The following KIZ variants were observed in gnomAD, a reference collection of about 807,000 sequenced individuals.
KIZ encodes centrosomal protein kizuna.
Under a neutral mutation model 79.6 loss-of-function variants are expected in KIZ, and 68 were observed. The ratio of observed to expected loss-of-function variants is 0.85; its 90% CI spans 0.70 to 1.05. KIZ has a LOEUF of 1.05. KIZ is among the 50% of genes least tolerant of loss of function. The pLI, the probability that KIZ is intolerant of heterozygous loss-of-function variation, is 0.00. For missense variants in KIZ, 797 were observed against 800.4 expected, an observed-to-expected ratio of 1.00 and a Z score of 0.05; for synonymous variants, 280 against 281.8, an observed-to-expected ratio of 0.99 and a Z score of 0.06.
chr20:21,179,401 A>T (rs2034561474), intron 6 of KIZ, among the ~76,000 whole-genome samples: 2 of 151,032 alleles, frequency 1.3e-5, no homozygotes, highest in Non-Finnish European at 1.5e-5. Flanking sequence ...ATCTTTTTTA[A>T]TCTCTGTGAT....
At chr20:21,189,820 C>T (rs2035037313) in intron 6 of KIZ, among the ~76,000 whole-genome samples, 1 of 152,180 alleles carries the variant, frequency 6.6e-6, no homozygotes, top group Non-Finnish European at 1.5e-5. Context: ...GGTCCACAGC[C>T]TGCCGTGGTC....
At chr20:21,155,136 G>A (rs535542021) in intron 4 of KIZ, among the ~76,000 whole-genome samples, 9 of 152,264 alleles carry the variant, frequency 5.9e-5, no homozygotes, top group Admixed American at 2.0e-4. Flanking sequence ...TATAGTTACC[G>A]TACGAGGCAA....
chr20:21,170,760 G>T (rs1460753973), intron 6 of KIZ, among the ~76,000 whole-genome samples: 1 of 151,144 alleles, frequency 6.6e-6, no homozygotes, highest in Non-Finnish European at 1.5e-5. Flanking sequence ...ACTTCTCTCC[G>T]CCCCCGAACT....
intron 9 of KIZ, among the ~76,000 whole-genome samples, chr20:21,223,666 T>TC (rs1491270146): frequency 6.4e-5 from 8 of 125,018 alleles, no homozygotes; most frequent in South Asian, 2.4e-4. Context: ...TCTCTCTCTC[T>TC]TTTTTTTTTT....
At chr20:21,242,003 T>C (rs1028133054) in intron 11 of KIZ, among the ~76,000 whole-genome samples, 3 of 152,242 alleles carry the variant, frequency 2.0e-5, no homozygotes, top group African/African-American at 7.2e-5. Flanking sequence ...CAAATGCCTT[T>C]AAGCAGGGCC....
intron 6 of KIZ, among the ~76,000 whole-genome samples, chr20:21,170,470 G>A (rs28837717): frequency 6.7e-6 from 1 of 150,330 alleles, no homozygotes; most frequent in East Asian, 2.0e-4. Context: ...CTCACTGCAA[G>A]CTCCCCTTCC....
At chr20:21,171,768 T>C (rs2034215404) in intron 6 of KIZ, among the ~76,000 whole-genome samples, 2 of 152,142 alleles carry the variant, frequency 1.3e-5, no homozygotes, top group Non-Finnish European at 2.9e-5. Context: ...CTTTCGAGGT[T>C]GAGTTATACA....
At chr20:21,182,969 T>C (rs149626128) in intron 6 of KIZ, among the ~76,000 whole-genome samples, 32 of 152,258 alleles carry the variant, frequency 2.1e-4, no homozygotes, top group African/African-American at 7.7e-4. Context: ...CAGTCTACTC[T>C]GGAATGAGGC....
chr20:21,234,613 G>A (rs888293427), intron 11 of KIZ, among the ~76,000 whole-genome samples: 1 of 152,028 alleles, frequency 6.6e-6, no homozygotes, highest in Non-Finnish European at 1.5e-5. Flanking sequence ...GTCACTCCTT[G>A]TGCTTTATTG....
intron 6 of KIZ, among the ~76,000 whole-genome samples, chr20:21,189,825 G>C (rs146469519): frequency 6.6e-6 from 1 of 152,268 alleles, no homozygotes; most frequent in African/African-American, 2.4e-5. Context: ...ACAGCCTGCC[G>C]TGGTCGCCTC....
chr20:21,144,052 G>A (rs1224469789), intron 3 of KIZ: 1 of 152,094 alleles, frequency 6.6e-6, no homozygotes, highest in African/African-American at 2.4e-5. Context: ...TGCATTGAGA[G>A]CAGTCTAAAT....
At chr20:21,216,396 T>G (rs1228600293) in intron 9 of KIZ, among the ~76,000 whole-genome samples, 1 of 152,170 alleles carries the variant, frequency 6.6e-6, no homozygotes, top group Non-Finnish European at 1.5e-5. Flanking sequence ...TCTGCATATG[T>G]GGTAGTTTTG....
intron 3 of KIZ, among the ~76,000 whole-genome samples, chr20:21,139,307 G>C (rs192866701): frequency 6.6e-6 from 1 of 152,030 alleles, no homozygotes. Flanking sequence ...TTCTCCCTCA[G>C]ATATGGAATT....
At chr20:21,237,329 T>C (rs1007144980) in intron 11 of KIZ, among the ~76,000 whole-genome samples, 1 of 151,232 alleles carries the variant, frequency 6.6e-6, no homozygotes, top group African/African-American at 2.4e-5. Flanking sequence ...AAAATAGATA[T>C]TGACCATGAA....
chr20:21,220,372 G>C (rs79059038), intron 9 of KIZ, among the ~76,000 whole-genome samples: 146 of 152,128 alleles, frequency 9.6e-4, no homozygotes, highest in Non-Finnish European at 1.8e-3. Context: ...CCTGCTCAAG[G>C]CCATGTAGCT....
chr20:21,169,375 T>G (rs2034101434), intron 6 of KIZ, among the ~76,000 whole-genome samples: 1 of 151,838 alleles, frequency 6.6e-6, no homozygotes, highest in African/African-American at 2.4e-5. Context: ...AAAACCACAA[T>G]GAGATACCAT....
chr20:21,207,913 G>T (rs764622444), intron 7 of KIZ, among the ~76,000 whole-genome samples: 3 of 152,012 alleles, frequency 2.0e-5, no homozygotes, highest in Admixed American at 2.0e-4. Flanking sequence ...GGGTTTCACC[G>T]TGTTGGCCAG....
At chr20:21,209,650 A>G (rs1311974150) in intron 7 of KIZ, among the ~76,000 whole-genome samples, 1 of 152,250 alleles carries the variant, frequency 6.6e-6, no homozygotes, top group Non-Finnish European at 1.5e-5. Flanking sequence ...TGATGCTTGC[A>G]TTTCTCTTTA....
At chr20:21,129,226 T>C (rs2031684109) in intron 1 of KIZ, among the ~76,000 whole-genome samples, 1 of 152,146 alleles carries the variant, frequency 6.6e-6, no homozygotes, top group Non-Finnish European at 1.5e-5. Context: ...ATTACCACCG[T>C]TTTGCCTGGG....
Sources: allele counts gnomAD v4.1 joint callset (sites outside exome capture counted in the v4.1 genomes callset), GRCh38; gene constraint gnomAD v4.1.1; transcripts MANE v1.5; gene names NCBI Gene and HGNC (gene_info 2026-07-23, HGNC 2026-07-21).